The following DOCK3 variants were observed in gnomAD, a reference collection of about 807,000 sequenced individuals.
DOCK3 encodes the protein dedicator of cytokinesis 3, also known as dedicator of cytokinesis protein 3.
DOCK3 carries 60 observed loss-of-function variants against 265.6 expected under a neutral mutation model. The observed-to-expected ratio is 0.23, with a 90% CI of 0.18 to 0.28. The LOEUF is 0.28. Among genes scored for constraint, DOCK3 ranks in the 10% least tolerant of loss-of-function variants. DOCK3 has a pLI of 1.00. For missense variants in DOCK3, 1,981 were observed against 2,594.3 expected (o/e 0.76, Z 5.14); for synonymous variants, 881 against 938.0 (o/e 0.94, Z 1.11).
intron 32 of DOCK3, among the ~76,000 whole-genome samples, chr3:51,329,063 G>C (rs1050140030): frequency 6.6e-6 from 1 of 152,206 alleles, no homozygotes; most frequent in Non-Finnish European, 1.5e-5. Context: ...TGAGGCAGGA[G>C]AATCACTTGA....
intron 9 of DOCK3, among the ~76,000 whole-genome samples, chr3:51,133,509 C>G (rs1035876000): frequency 6.6e-6 from 1 of 152,052 alleles, no homozygotes. Flanking sequence ...TTTTTTATGG[C>G]TGCATAGTGT....
chr3:50,839,679 T>A (rs1320131722), intron 2 of DOCK3, among the ~76,000 whole-genome samples: 14 of 138,624 alleles, frequency 1.0e-4, no homozygotes, highest in African/African-American at 3.3e-4. Context: ...GCATATTTTT[T>A]AATTGGGCTG....
chr3:50,696,217 T>C (rs904940624), intron 1 of DOCK3, among the ~76,000 whole-genome samples: 2 of 152,328 alleles, frequency 1.3e-5, no homozygotes, highest in South Asian at 2.1e-4. Context: ...AAGAGCTGTT[T>C]CCAGTCAGAA....
At chr3:51,241,537 C>T (rs1200946885) in intron 21 of DOCK3, among the ~76,000 whole-genome samples, 1 of 152,224 alleles carries the variant, frequency 6.6e-6, no homozygotes, top group African/African-American at 2.4e-5. Flanking sequence ...TTCCATTCTC[C>T]CCGTCTATTT....
At chr3:50,837,015 T>C (rs2045549550) in intron 2 of DOCK3, among the ~76,000 whole-genome samples, 1 of 152,172 alleles carries the variant, frequency 6.6e-6, no homozygotes, top group Admixed American at 6.5e-5. Context: ...CTGGACTTCA[T>C]TGTCAATATC....
chr3:51,341,142 T>C, intron 37 of DOCK3, 95 bp from the exon 38 acceptor site: 1 of 1,432,406 alleles, frequency 7.0e-7, no homozygotes, highest in Non-Finnish European at 9.3e-7. Flanking sequence ...TGACTTGCGC[T>C]GGCATTCTGC....
intron 4 of DOCK3, among the ~76,000 whole-genome samples, chr3:50,895,113 A>G (rs576519012): frequency 6.6e-6 from 1 of 152,226 alleles, no homozygotes; most frequent in East Asian, 1.9e-4. Context: ...GCCTCAAACA[A>G]AAAACATCAG....
chr3:51,111,861 GA>G (rs1432797741), intron 9 of DOCK3, among the ~76,000 whole-genome samples: 1 of 151,616 alleles, frequency 6.6e-6, no homozygotes, highest in Admixed American at 6.6e-5. Context: ...ACATTTACAA[GA>G]AAAAAACAAC....
At chr3:50,916,570 C>T (rs2050138273) in intron 4 of DOCK3, among the ~76,000 whole-genome samples, 1 of 152,082 alleles carries the variant, frequency 6.6e-6, no homozygotes, top group African/African-American at 2.4e-5. Context: ...GTAATCGCAG[C>T]ACTTTGGGAG....
At chr3:50,733,583 C>T (rs1341561662) in intron 1 of DOCK3, among the ~76,000 whole-genome samples, 2 of 152,054 alleles carry the variant, frequency 1.3e-5, no homozygotes, top group Non-Finnish European at 2.9e-5. Context: ...TATCTTTTTC[C>T]CACCCTCCAC....
At chr3:51,315,505 C>T (rs1001904504) in intron 32 of DOCK3, among the ~76,000 whole-genome samples, 6 of 152,166 alleles carry the variant, frequency 3.9e-5, no homozygotes, top group African/African-American at 1.2e-4. Context: ...CAGATGACTT[C>T]TCATGGCTCA....
chr3:50,987,350 T>C (rs2077940904), intron 5 of DOCK3, among the ~76,000 whole-genome samples: 1 of 152,276 alleles, frequency 6.6e-6, no homozygotes, highest in African/African-American at 2.4e-5. Flanking sequence ...TAGTTAGTTA[T>C]GTTTTTAAAT....
intron 32 of DOCK3, 93 bp downstream of exon 32, chr3:51,315,221 G>C (rs1456811769): frequency 7.1e-7 from 1 of 1,415,608 alleles, no homozygotes; most frequent in Non-Finnish European, 9.4e-7. Context: ...ATTCTAGTGG[G>C]GATGGGCTGT....
In DOCK3 at chr3:51,089,169, A is replaced by G. The variant is rs2082539536; in HGVS notation, c.550-74A>G. The G allele has an allele frequency of 2.0e-5, 30 of 1,476,958 alleles. No individual in the cohort carries two copies. In the South Asian group the frequency reaches 3.5e-4, roughly 17 times the overall value. The allele number at this position is 1,476,958 out of a possible 1,614,324, so 91.5% of individuals were successfully genotyped here. A position where few individuals can be genotyped will look rare whatever the true frequency, so the allele number is the denominator to read the frequency against. On this transcript the variant is annotated intron_variant, in intron 7 of 52. Coordinates refer to ENST00000266037, the MANE Select transcript of DOCK3 (RefSeq NM_004947.5). ...ATATAAAAGGCATAGCAGACTGCCCAGCATATAGAAAGTTCTTAATAAAAT... is the reference window on the plus strand; with the variant it reads ...ATATAAAAGGCATAGCAGACTGCCCGGCATATAGAAAGTTCTTAATAAAAT...
intron 19 of DOCK3, among the ~76,000 whole-genome samples, chr3:51,231,781 A>G (rs1200255757): frequency 1.3e-5 from 2 of 152,044 alleles, no homozygotes; most frequent in Non-Finnish European, 2.9e-5. Flanking sequence ...ACGTTTGTCA[A>G]TTGTTTTTGT....
At position 50,889,066 on chromosome 3, in the gene DOCK3, G is replaced by GGTGTGTGT. The variant is rs36180907; in HGVS notation, c.163-921_163-914dup. ...GAGTATAAAATATATTTAAGCCATG[G>GGTGTGTGT]GTGTGTGTGTGTGTGTGTGTGTGTG... On this transcript the variant is annotated intron_variant, in intron 3 of 52. Transcript: ENST00000266037. Among the ~76,000 whole-genome samples the GGTGTGTGT allele has an allele frequency of 8.1e-3, 1,088 of 134,250 alleles. 5 individuals are homozygous for GGTGTGTGT. Among genetic ancestry groups the GGTGTGTGT allele is most frequent in the Non-Finnish European group, 0.011 (685 of 61,986 alleles). The allele number at this position is 134,250 out of a possible 152,430, so 88.1% of individuals were successfully genotyped here.
intron 12 of DOCK3, among the ~76,000 whole-genome samples, chr3:51,207,061 C>T (rs2089255461): frequency 6.6e-6 from 1 of 152,054 alleles, no homozygotes; most frequent in Non-Finnish European, 1.5e-5. Context: ...GCTTGGCAGC[C>T]TCTGGTAGTG....
rs988168313 is a variant in DOCK3, at chr3:51,008,378, C to A, written c.316-56070C>A. On this transcript the variant is annotated intron_variant, in intron 5 of 52. Coordinates refer to ENST00000266037, the MANE Select transcript of DOCK3 (RefSeq NM_004947.5). Reference sequence around the variant, plus strand: ...AAGTTGTATTCCTAGGTATTTTATTCTCTTTGAAGCAATTGTGAATGGGAG... The same window carrying A: ...AAGTTGTATTCCTAGGTATTTTATTATCTTTGAAGCAATTGTGAATGGGAG... 3.9e-5 allele frequency among the ~76,000 whole-genome samples: 6 copies of A among 152,138 alleles called. No homozygotes were observed. In the East Asian group the frequency reaches 9.6e-4, roughly 24 times the overall value.
intron 9 of DOCK3, among the ~76,000 whole-genome samples, chr3:51,109,254 G>A (rs2083416318): frequency 6.6e-6 from 1 of 152,136 alleles, no homozygotes; most frequent in African/African-American, 2.4e-5. Context: ...AGGGAAATTG[G>A]ACAACTTGCT....
Sources: allele counts gnomAD v4.1 joint callset (sites outside exome capture counted in the v4.1 genomes callset), GRCh38; gene constraint gnomAD v4.1.1; transcripts MANE v1.5; gene names NCBI Gene and HGNC (gene_info 2026-07-23, HGNC 2026-07-21).